Variants in DHX58 observed in about 807,000 individuals in gnomAD.
DHX58 encodes ATP-dependent RNA helicase DHX58.
A neutral mutation model predicts 65.0 loss-of-function variants in DHX58; 51 were observed. The observed-to-expected ratio is 0.78, with a 90% CI of 0.63 to 0.99. The LOEUF is 0.99. Among genes scored for constraint, DHX58 ranks in the 50% least tolerant of loss-of-function variants. The pLI is 0.00. For missense variants in DHX58, 773 were observed against 891.8 expected (o/e 0.87, Z 1.70); for synonymous variants, 350 against 365.0 (o/e 0.96, Z 0.47).
chr17:42,108,195 CCG>C, intron 6 of DHX58, 87 bp from the exon 7 acceptor site: 1 of 1,582,778 alleles, frequency 6.3e-7, no homozygotes, highest in Non-Finnish European at 8.6e-7. Context: ...GTGTAGCACA[CCG>C]CGACTGCCTC....
intron 4 of DHX58, 34 bp downstream of exon 4, chr17:42,111,262 T>A (rs1179286194): frequency 2.5e-6 from 4 of 1,599,028 alleles, no homozygotes; most frequent in Non-Finnish European, 3.4e-6. Flanking sequence ...GTACCCCAGA[T>A]GCGTATCTTT....
Position 42,101,728 on chromosome 17 carries a change from C to T in DHX58, c.*33G>A, listed in dbSNP as rs2053980362. ...CTGCTGCAGACTCTCCCGCCCCCTACAGCCCAAACCGGGCACTGCAGCAAT... is the reference window on the plus strand; with the variant it reads ...CTGCTGCAGACTCTCCCGCCCCCTATAGCCCAAACCGGGCACTGCAGCAAT... On this transcript the variant is annotated 3_prime_UTR_variant, in exon 14 of 14. Coordinates refer to ENST00000251642, the MANE Select transcript of DHX58 (RefSeq NM_024119.3). 6.2e-7 allele frequency: 1 copy of T among 1,607,230 alleles called. No individual in the cohort carries two copies. Among genetic ancestry groups the T allele is most frequent in the Non-Finnish European group, 8.5e-7 (1 of 1,175,522 alleles).
intron 6 of DHX58, among the ~76,000 whole-genome samples, chr17:42,108,344 C>T (rs1403027820): frequency 6.6e-6 from 1 of 152,300 alleles, no homozygotes; most frequent in Non-Finnish European, 1.5e-5. Flanking sequence ...GGCACATGGA[C>T]GTGCTTTGGT....
chr17:42,104,417 A>G (rs1555662158), intron 11 of DHX58, among the ~76,000 whole-genome samples: 1 of 152,178 alleles, frequency 6.6e-6, no homozygotes, highest in Non-Finnish European at 1.5e-5. Context: ...AGGGGAACTG[A>G]TGATATAAGT....
At chr17:42,109,418 G>T in intron 5 of DHX58, 32 bp from the exon 6 acceptor site, 1 of 1,586,638 alleles carries the variant, frequency 6.3e-7, no homozygotes, top group Non-Finnish European at 8.6e-7. Flanking sequence ...ACTGGAAAGG[G>T]AGGGTCTGTG....
chr17:42,111,691 T>C (rs1555664326), intron 3 of DHX58, 34 bp downstream of exon 3: 1 of 1,586,904 alleles, frequency 6.3e-7, no homozygotes, highest in Non-Finnish European at 8.6e-7. Context: ...CCCTGCTTGG[T>C]GGTGGGAGAG....
chr17:42,112,089 C>T (rs2054166307), intron 2 of DHX58, 24 bp downstream of exon 2: 2 of 639,382 alleles, frequency 3.1e-6, no homozygotes, highest in African/African-American at 1.8e-5. Context: ...GCTACACCTG[C>T]CCCCTGCCCA....
rs1555664348 is a variant in DHX58 at position 42,111,737 on chromosome 17, T to C, written c.156A>G (p.Val52=). 1.9e-6 allele frequency: 3 copies of C among 1,611,534 alleles called. No homozygotes were observed. The South Asian group carries it at 3.3e-5, about 18-fold the overall frequency. ...ACAGACCACTCACCCTGTTGACCAA[T>C]ACAACCACCTTGGCTCCATCCACAG... ...LETVDGAKVV[V]LVNRVHLVTQ... is the part of the protein sequence containing the mutation. Residue 52 remains valine (V), a synonymous_variant, in exon 3 of 14, where the codon GTA becomes GTG. Coordinates refer to ENST00000251642, the MANE Select transcript of DHX58 (RefSeq NM_024119.3).
At chr17:42,106,731 G>C (rs1555662782) in intron 8 of DHX58, among the ~76,000 whole-genome samples, 58 of 151,122 alleles carry the variant, frequency 3.8e-4, no homozygotes, top group East Asian at 1.4e-3. Flanking sequence ...ACCCAGGAGG[G>C]GGAGGTTGTA....
At position 42,111,837 on chromosome 17, in the gene DHX58, T is replaced by G; in HGVS notation, c.56A>C (p.Asn19Thr). 6.2e-7 allele frequency: 1 copy of G among 1,614,056 alleles called. No individual in the cohort carries two copies. The highest frequency in any genetic ancestry group is 1.1e-5 in the South Asian group (1 of 91,062). The change falls in exon 3 of 14, where the codon AAT becomes ACT. Residue 19 changes from asparagine to threonine, a missense_variant. Coordinates refer to ENST00000251642, the MANE Select transcript of DHX58 (RefSeq NM_024119.3). The part of the protein sequence containing the change: ...EVIMPALEGK[N>T]IIIWLPTGAG... Reference sequence around the variant, plus strand: ...ACCCGTGGGCAGCCAGATGATGATATTCTTGCCCTCCAGGGCAGGCATGAT... The same window carrying G: ...ACCCGTGGGCAGCCAGATGATGATAGTCTTGCCCTCCAGGGCAGGCATGAT...
Position 42,109,360 on chromosome 17 carries a change from G to C in DHX58, c.588C>G (p.Cys196Trp). The C allele has an allele frequency of 6.2e-7, 1 of 1,613,662 alleles. No homozygotes were observed. Among genetic ancestry groups the C allele is most frequent in the Non-Finnish European group, 8.5e-7 (1 of 1,179,788 alleles). The change falls in exon 6 of 14, where the codon TGC (cysteine) becomes TGG (tryptophan). Residue 196 changes from cysteine to tryptophan, a missense_variant. Coordinates refer to ENST00000251642, the MANE Select transcript of DHX58 (RefSeq NM_024119.3). ...GGCAGCAGTTCTGGGGTGACATGAT[G>C]CACCACGTGTCCAAGTTGGCACAGA... ...LQLCANLDTW[C>W]IMSPQNCCPQ...
intron 3 of DHX58, 50 bp downstream of exon 3, chr17:42,111,675 C>G: frequency 6.3e-7 from 1 of 1,580,918 alleles, no homozygotes; most frequent in Non-Finnish European, 8.6e-7. Context: ...GCCTGAAGAG[C>G]TAAGACCCTG....
Position 42,110,720 on chromosome 17 carries a change from G to A in DHX58, c.561+3C>T, listed in dbSNP as rs377484840. 2.5e-6 allele frequency: 4 copies of A among 1,596,376 alleles called. No individual in the cohort carries two copies. The highest frequency in any genetic ancestry group is 1.1e-5 in the South Asian group (1 of 88,548). On this transcript the variant is annotated splice_donor_region_variant and intron_variant, in intron 5 of 13. Transcript: ENST00000251642. The stretch of plus-strand genomic sequence containing the variant: ...GTGGGAGGCCCACAGGGGCCAGGCT[G>A]ACCTGCAGGACGTGGTTGATGGCCC...
Position 42,101,715 on chromosome 17 carries a change from C to T in DHX58, c.*46G>A. 1 of 1,600,078 alleles carries T rather than the reference C, an allele frequency of 6.2e-7. No individual in the cohort carries two copies. The highest frequency in any genetic ancestry group is 1.1e-5 in the South Asian group (1 of 89,836). On this transcript the variant is annotated 3_prime_UTR_variant, in exon 14 of 14. Transcript: ENST00000251642. ...AGGGGCCTGGAGTCTGCTGCAGACT[C>T]TCCCGCCCCCTACAGCCCAAACCGG...
At chr17:42,109,468 C>A (rs2144006933) in intron 5 of DHX58, 82 bp from the exon 6 acceptor site, 1 of 1,178,366 alleles carries the variant, frequency 8.5e-7, no homozygotes, top group East Asian at 2.4e-5. Flanking sequence ...TGGATCCCAG[C>A]TGAGGACAGG....
intron 6 of DHX58, among the ~76,000 whole-genome samples, chr17:42,108,696 G>C (rs1248949048): frequency 6.6e-6 from 1 of 152,238 alleles, no homozygotes; most frequent in South Asian, 2.1e-4. Flanking sequence ...CGGCCAGGGA[G>C]AGCAGCTGCA....
In DHX58 at chr17:42,111,061, A is replaced by T; in HGVS notation, c.371-148T>A. 4.7e-6 allele frequency: 5 copies of T among 1,060,382 alleles called. No individual in the cohort carries two copies. The South Asian group carries it at 6.5e-5, about 14-fold the overall frequency. The allele number at this position is 1,060,382 out of a possible 1,614,324, so 65.7% of individuals were successfully genotyped here. On this transcript the variant is annotated intron_variant, in intron 4 of 13. Transcript: ENST00000251642. ...CAGGATGAGGAGCCAGGCAGGGAAG[A>T]CTTCTTTCCATTTCACAGATTAGTA...
chr17:42,106,594 T>G (rs1246657097), intron 8 of DHX58, among the ~76,000 whole-genome samples: 1 of 146,160 alleles, frequency 6.8e-6, no homozygotes, highest in Non-Finnish European at 1.5e-5. Flanking sequence ...GGTCAGGAGT[T>G]CGAGACCAGC....
At chr17:42,105,459 G>C (rs1555662431) in intron 9 of DHX58, among the ~76,000 whole-genome samples, 1 of 151,634 alleles carries the variant, frequency 6.6e-6, no homozygotes, top group Non-Finnish European at 1.5e-5. Flanking sequence ...ACCTGATCCT[G>C]TGCCCTGAGG....
Sources: allele counts gnomAD v4.1 joint callset (sites outside exome capture counted in the v4.1 genomes callset), GRCh38; gene constraint gnomAD v4.1.1; transcripts MANE v1.5; gene names NCBI Gene and HGNC (gene_info 2026-07-23, HGNC 2026-07-21).